The following FAM110B variants were observed in gnomAD, a reference collection of about 807,000 sequenced individuals.
The protein encoded by FAM110B is protein FAM110B.
Under a neutral mutation model 20.4 loss-of-function variants are expected in FAM110B, and 6 were observed. The ratio of observed to expected loss-of-function variants is 0.29; its 90% CI spans 0.16 to 0.58. The LOEUF is 0.58. Ranked by LOEUF, FAM110B falls within the 20% of genes least tolerant of loss-of-function variation. The pLI, the probability that FAM110B is intolerant of heterozygous loss-of-function variation, is 0.90. For missense variants in FAM110B, 434 were observed against 498.2 expected (o/e 0.87, Z 1.23); for synonymous variants, 226 against 214.1 (o/e 1.06, Z -0.49).
At chr8:58,020,865 C>T (rs1016053377) in intron 1 of FAM110B, among the ~76,000 whole-genome samples, 3 of 152,054 alleles carry the variant, frequency 2.0e-5, no homozygotes, top group Non-Finnish European at 2.9e-5. Flanking sequence ...CTTATTACTG[C>T]GAGTCTCTCT....
chr8:58,044,621 T>C (rs1476387524), intron 2 of FAM110B, among the ~76,000 whole-genome samples: 4 of 152,200 alleles, frequency 2.6e-5, no homozygotes, highest in African/African-American at 9.6e-5. Context: ...ACTATGGATG[T>C]TACACTTAAC....
At chr8:58,071,181 C>A (rs1408962290) in intron 2 of FAM110B, among the ~76,000 whole-genome samples, 1 of 152,070 alleles carries the variant, frequency 6.6e-6, no homozygotes, top group African/African-American at 2.4e-5. Flanking sequence ...ATGGTACATT[C>A]TAAAAGAAAA....
At chr8:58,145,609 C>T (rs1803843864) in intron 3 of FAM110B, among the ~76,000 whole-genome samples, 3 of 152,220 alleles carry the variant, frequency 2.0e-5, no homozygotes, top group African/African-American at 7.2e-5. Flanking sequence ...AAATGCCAAC[C>T]GGGCGTGTTC....
chr8:58,048,984 G>T (rs549791359), intron 2 of FAM110B, among the ~76,000 whole-genome samples: 2 of 152,298 alleles, frequency 1.3e-5, no homozygotes, highest in African/African-American at 4.8e-5. Flanking sequence ...TACCGATTGA[G>T]ATTTTCATTT....
intron 3 of FAM110B, among the ~76,000 whole-genome samples, chr8:58,122,387 A>G (rs899843537): frequency 3.9e-5 from 6 of 152,128 alleles, no homozygotes; most frequent in Admixed American, 1.3e-4. Context: ...ATTATTTATT[A>G]AACAATTTCT....
At chr8:58,096,684 T>C (rs139575332) in intron 3 of FAM110B, among the ~76,000 whole-genome samples, 2,928 of 152,338 alleles carry the variant, frequency 0.019, 50 homozygotes, top group South Asian at 0.094. Flanking sequence ...TGGTACTGGT[T>C]GTTCCTTTCC....
chr8:58,135,443 A>G (rs140850177), intron 3 of FAM110B, among the ~76,000 whole-genome samples: 1 of 152,338 alleles, frequency 6.6e-6, no homozygotes, highest in African/African-American at 2.4e-5. Flanking sequence ...AGAGGAATTC[A>G]CCCAAAATAC....
At chr8:58,124,936 T>C (rs1346531055) in intron 3 of FAM110B, among the ~76,000 whole-genome samples, 5 of 152,356 alleles carry the variant, frequency 3.3e-5, no homozygotes, top group African/African-American at 9.6e-5. Flanking sequence ...CCTTGTTCTT[T>C]GGTGCTGATT....
intron 3 of FAM110B, among the ~76,000 whole-genome samples, chr8:58,135,283 G>A (rs1315731953): frequency 6.6e-6 from 1 of 152,126 alleles, no homozygotes; most frequent in Non-Finnish European, 1.5e-5. Flanking sequence ...ACAGTTCTGG[G>A]GACAACATAT....
intron 1 of FAM110B, among the ~76,000 whole-genome samples, chr8:57,996,309 C>T (rs1258021776): frequency 1.3e-5 from 2 of 152,162 alleles, no homozygotes; most frequent in Non-Finnish European, 2.9e-5. Flanking sequence ...GCATATAGTT[C>T]TAGGTGTCAG....
At chr8:58,057,260 G>A (rs1375207309) in intron 2 of FAM110B, among the ~76,000 whole-genome samples, 1 of 152,112 alleles carries the variant, frequency 6.6e-6, no homozygotes, top group African/African-American at 2.4e-5. Flanking sequence ...ACCTGGCTGG[G>A]GCCCCTCGAG....
At chr8:58,008,881 C>T (rs922207466) in intron 1 of FAM110B, among the ~76,000 whole-genome samples, 1 of 152,204 alleles carries the variant, frequency 6.6e-6, no homozygotes, top group Non-Finnish European at 1.5e-5. Context: ...TCCCCATTGA[C>T]ATCCCTCATC....
At chr8:58,074,082 G>C (rs6997924) in intron 2 of FAM110B, among the ~76,000 whole-genome samples, 48,320 of 151,974 alleles carry the variant, frequency 0.32, 10,922 homozygotes, top group African/African-American at 0.64. Flanking sequence ...AAATGCGCAG[G>C]CTTTACTTTT....
intron 2 of FAM110B, among the ~76,000 whole-genome samples, chr8:58,066,770 T>C (rs1160371065): frequency 6.6e-6 from 1 of 152,156 alleles, no homozygotes; most frequent in Non-Finnish European, 1.5e-5. Flanking sequence ...CTGCAGTGAC[T>C]TCATGTTGTG....
intron 1 of FAM110B, among the ~76,000 whole-genome samples, chr8:58,027,084 T>C (rs1224673154): frequency 6.6e-6 from 1 of 152,148 alleles, no homozygotes; most frequent in Admixed American, 6.5e-5. Context: ...ACATCTTCCC[T>C]CTCCTGTATG....
intron 2 of FAM110B, among the ~76,000 whole-genome samples, chr8:58,060,723 G>T (rs1362397266): frequency 6.6e-6 from 1 of 152,168 alleles, no homozygotes; most frequent in Admixed American, 6.5e-5. Context: ...TAAGGAAAGA[G>T]ATAGTTACAA....
At chr8:58,012,279 T>C (rs534119887) in intron 1 of FAM110B, among the ~76,000 whole-genome samples, 1 of 152,232 alleles carries the variant, frequency 6.6e-6, no homozygotes, top group East Asian at 1.9e-4. Flanking sequence ...GTTGTTGAAA[T>C]ATCTCACATA....
intron 3 of FAM110B, among the ~76,000 whole-genome samples, chr8:58,090,940 A>T (rs939736803): frequency 3.9e-5 from 6 of 152,228 alleles, no homozygotes; most frequent in African/African-American, 1.4e-4. Flanking sequence ...CAGTTAACAG[A>T]TATGAGATGC....
chr8:58,011,010 T>C (rs1804523090), intron 1 of FAM110B, among the ~76,000 whole-genome samples: 1 of 152,170 alleles, frequency 6.6e-6, no homozygotes, highest in Non-Finnish European at 1.5e-5. Context: ...ACATCTAGCT[T>C]TGCCTACATG....
Sources: gnomAD v4.1 joint callset for allele counts (sites outside exome capture counted in the v4.1 genomes callset) on GRCh38, gnomAD v4.1.1 for gene constraint, MANE v1.5 for transcripts, NCBI Gene and HGNC (gene_info 2026-07-23, HGNC 2026-07-21) for gene names.